ZMYM4: variants seen among roughly 807,000 people sequenced by gnomAD.
The protein encoded by ZMYM4 is zinc finger MYM-type containing 4.
ZMYM4 carries 31 observed loss-of-function variants against 183.2 expected under a neutral mutation model. The ratio of observed to expected loss-of-function variants is 0.17; its 90% CI spans 0.13 to 0.23. The LOEUF (loss-of-function observed/expected upper bound fraction) is 0.23. Ranked by LOEUF, ZMYM4 falls within the 10% of genes least tolerant of loss-of-function variation. The probability of loss-of-function intolerance (pLI) is 1.00; values close to 1 mark genes in which losing one functional copy is unlikely to be tolerated. For missense variants in ZMYM4, 1,273 were observed against 1,840.3 expected (o/e 0.69, Z 5.64); for synonymous variants, 592 against 631.2 (o/e 0.94, Z 0.93).
chr1:35,361,338 A>G (rs1643931729), intron 4 of ZMYM4, 83 bp downstream of exon 4: 2 of 1,361,120 alleles, frequency 1.5e-6, no homozygotes, highest in East Asian at 2.3e-5. Flanking sequence ...AATTCTAACA[A>G]TGTATTAGGT....
chr1:35,394,610 G>C (rs112992999), intron 18 of ZMYM4, among the ~76,000 whole-genome samples: 19 of 152,224 alleles, frequency 1.2e-4, no homozygotes, highest in African/African-American at 4.6e-4. Flanking sequence ...GAGCTGGGGG[G>C]ATAAAGCCTG....
rs145763224 is a variant in ZMYM4, at chr1:35,282,073, C to G, written c.39+12988C>G. ...TCATCCATCAATAGACACCTTTTGG[C>G]TATTGTAAGTAATGTTGCTATAAAC... On this transcript the variant is annotated intron_variant, in intron 1 of 29. Coordinates refer to ENST00000314607, the MANE Select transcript of ZMYM4 (RefSeq NM_005095.3). Among the ~76,000 whole-genome samples, 366 of 152,274 alleles carry G rather than the reference C, an allele frequency of 2.4e-3. 2 individuals are homozygous for G. Among genetic ancestry groups the G allele is most frequent in the African/African-American group, 7.8e-3 (325 of 41,548 alleles).
chr1:35,298,191 G>GC (rs1463037510), intron 1 of ZMYM4, among the ~76,000 whole-genome samples: 1 of 152,146 alleles, frequency 6.6e-6, no homozygotes, highest in Non-Finnish European at 1.5e-5. Context: ...ATTAAAAAAT[G>GC]CCCCCCTGGG....
At chr1:35,382,579 A>T (rs1644489275) in intron 9 of ZMYM4, among the ~76,000 whole-genome samples, 1 of 151,196 alleles carries the variant, frequency 6.6e-6, no homozygotes, top group Non-Finnish European at 1.5e-5. Context: ...AGTAGCTAGG[A>T]TTACAGGCGC....
At chr1:35,304,450 ATTTTTTTTTCTT>A (rs925177851) in intron 1 of ZMYM4, among the ~76,000 whole-genome samples, 8 of 147,786 alleles carry the variant, frequency 5.4e-5, no homozygotes, top group Admixed American at 1.4e-4. Flanking sequence ...CAGTTATTTG[ATTTTTTTTTCTT>A]TTTTTTTTTC....
rs1039111911 is a variant in ZMYM4 at position 35,349,853 on chromosome 1, C to T, written c.86-9072C>T. 4.0e-5 allele frequency among the ~76,000 whole-genome samples: 6 copies of T among 149,840 alleles called. No homozygotes were observed. In the East Asian group the frequency reaches 1.2e-3, roughly 29 times the overall value. ...TTTAAAAAAAAAAAAAAAAAAGTTTCTGTGACTAAACAAAGTGCTAACTTA... is the reference window on the plus strand; with the variant it reads ...TTTAAAAAAAAAAAAAAAAAAGTTTTTGTGACTAAACAAAGTGCTAACTTA... On this transcript the variant is annotated intron_variant, in intron 2 of 29. Transcript: ENST00000314607.
chr1:35,369,180 A>T (rs1004996783), intron 5 of ZMYM4, among the ~76,000 whole-genome samples: 1 of 152,204 alleles, frequency 6.6e-6, no homozygotes, highest in African/African-American at 2.4e-5. Context: ...GAGTTTTTGC[A>T]TGTTTCAATA....
At chr1:35,284,701 C>T (rs1448900393) in intron 1 of ZMYM4, among the ~76,000 whole-genome samples, 1 of 152,112 alleles carries the variant, frequency 6.6e-6, no homozygotes, top group Non-Finnish European at 1.5e-5. Context: ...ATCAAAGTGC[C>T]CACAGGTAGG....
In ZMYM4 at chr1:35,370,602, A is replaced by C. The variant is rs1308349176; in HGVS notation, c.1156A>C (p.Lys386Gln). 6.2e-7 allele frequency: 1 copy of C among 1,609,786 alleles called. No individual in the cohort carries two copies. Among genetic ancestry groups the C allele is most frequent in the Non-Finnish European group, 8.5e-7 (1 of 1,177,526 alleles). ...TGCCCGCCCACCGCCTCCTCTCACCAAGAAAACTTGTTCAAGTTGCTCAAA... is the reference window on the plus strand; with the variant it reads ...TGCCCGCCCACCGCCTCCTCTCACCCAGAAAACTTGTTCAAGTTGCTCAAA... ...PPARPPPPLT[K>Q]KTCSSCSKDI... is the part of the protein sequence containing the mutation. The change falls in exon 7 of 30, where the codon AAG (lysine) becomes CAG (glutamine). Residue 386 changes from lysine (K) to glutamine (Q), a missense_variant. Transcript: ENST00000314607.
rs558465172 is a variant in ZMYM4 at position 35,389,521 on chromosome 1, G to A, written c.2437-427G>A. Among the ~76,000 whole-genome samples the A allele has an allele frequency of 1.3e-5, 2 of 152,136 alleles. No individual in the cohort carries two copies. The highest frequency in any genetic ancestry group is 1.9e-4 in the East Asian group (1 of 5,162). On this transcript the variant is annotated intron_variant, in intron 14 of 29. Coordinates refer to ENST00000314607, the MANE Select transcript of ZMYM4 (RefSeq NM_005095.3). This position sits in a 1 kb window ranked among gnomAD's most constrained non-coding sequence, Gnocchi z 4.0. ...TGTAATCCCAGCACTTTGGGAGGCCGAGGCGGGTGGATCATGAGGTTAGGA... is the reference window on the plus strand; with the variant it reads ...TGTAATCCCAGCACTTTGGGAGGCCAAGGCGGGTGGATCATGAGGTTAGGA...
chr1:35,391,215 C>T (rs754894865), intron 15 of ZMYM4, among the ~76,000 whole-genome samples: 8 of 152,090 alleles, frequency 5.3e-5, no homozygotes, highest in Non-Finnish European at 8.8e-5. Context: ...TCTGCAAAGA[C>T]GCAGCGGCTT....
intron 10 of ZMYM4, 22 bp from the exon 11 acceptor site, chr1:35,386,052 G>T (rs754143035): frequency 1.8e-5 from 28 of 1,551,264 alleles, no homozygotes; most frequent in Non-Finnish European, 2.4e-5. Flanking sequence ...TTACTCATTG[G>T]TTTTTATTTT....
intron 1 of ZMYM4, among the ~76,000 whole-genome samples, chr1:35,311,667 C>CT (rs1190601646): frequency 6.6e-6 from 1 of 151,856 alleles, no homozygotes; most frequent in African/African-American, 2.4e-5. Context: ...TTTACTCTCC[C>CT]TTTTATGTTG....
chr1:35,287,456 G>A (rs568200038), intron 1 of ZMYM4, among the ~76,000 whole-genome samples: 2 of 151,912 alleles, frequency 1.3e-5, no homozygotes, highest in Admixed American at 6.6e-5. Flanking sequence ...TAAAAATCTT[G>A]TGTTTTTGCT....
intron 1 of ZMYM4, among the ~76,000 whole-genome samples, chr1:35,320,358 CAG>C (rs1642230394): frequency 6.6e-6 from 1 of 152,154 alleles, no homozygotes; most frequent in South Asian, 2.1e-4. Context: ...CTGAACCACA[CAG>C]AGGTGCTGGA....
chr1:35,298,018 G>A (rs1263348700), intron 1 of ZMYM4, among the ~76,000 whole-genome samples: 1 of 152,210 alleles, frequency 6.6e-6, no homozygotes, highest in Non-Finnish European at 1.5e-5. Context: ...ACAGTAGAGG[G>A]AGCGGCCACT....
At chr1:35,308,371 G>A (rs1239132942) in intron 1 of ZMYM4, among the ~76,000 whole-genome samples, 1 of 152,178 alleles carries the variant, frequency 6.6e-6, no homozygotes, top group East Asian at 1.9e-4. Context: ...CAAATGAAAT[G>A]CAATGGTATA....
intron 1 of ZMYM4, among the ~76,000 whole-genome samples, chr1:35,297,479 A>AC (rs200546387): frequency 4.6e-5 from 5 of 109,222 alleles, no homozygotes; most frequent in African/African-American, 2.1e-4. Flanking sequence ...TGCTTGTCAC[A>AC]AAAAAAAAAA....
At chr1:35,402,431 T>C (rs535994614) in intron 23 of ZMYM4, among the ~76,000 whole-genome samples, 2 of 152,148 alleles carry the variant, frequency 1.3e-5, no homozygotes, top group South Asian at 2.1e-4. Context: ...GCCTGGGCAA[T>C]GTAGTGAGAC....
Sources: allele counts gnomAD v4.1 joint callset (sites outside exome capture counted in the v4.1 genomes callset), GRCh38; gene constraint gnomAD v4.1.1; non-coding constraint Gnocchi (gnomAD v3.1); transcripts MANE v1.5; gene names NCBI Gene and HGNC (gene_info 2026-07-23, HGNC 2026-07-21).